The following POLDIP3 variants were observed in gnomAD, a reference collection of about 807,000 sequenced individuals.
POLDIP3 encodes polymerase delta-interacting protein 3.
POLDIP3 carries 14 observed loss-of-function variants against 45.1 expected under a neutral mutation model. The ratio of observed to expected loss-of-function variants is 0.31; its 90% CI spans 0.20 to 0.49. The LOEUF is 0.49. POLDIP3 is among the 20% of genes least tolerant of loss of function. The pLI, the probability that POLDIP3 is intolerant of heterozygous loss-of-function variation, is 0.99. For synonymous variants in POLDIP3, 223 were observed against 205.2 expected, an observed-to-expected ratio of 1.09 and a Z score of -0.74; for missense variants, 511 against 538.8, an observed-to-expected ratio of 0.95 and a Z score of 0.51.
chr22:42,594,133 C>T (rs1170036449), intron 6 of POLDIP3, among the ~76,000 whole-genome samples: 1 of 152,114 alleles, frequency 6.6e-6, no homozygotes, highest in East Asian at 1.9e-4. Flanking sequence ...TGGTGGCACA[C>T]GCCTATAATC....
At chr22:42,597,062 G>A (rs1926038506) in intron 4 of POLDIP3, among the ~76,000 whole-genome samples, 1 of 152,030 alleles carries the variant, frequency 6.6e-6, no homozygotes, top group Admixed American at 6.6e-5. Flanking sequence ...TCCTCTTCTG[G>A]CCATCCAGAG....
chr22:42,608,911 C>A (rs573235809), intron 1 of POLDIP3, among the ~76,000 whole-genome samples: 1 of 152,296 alleles, frequency 6.6e-6, no homozygotes, highest in South Asian at 2.1e-4. Flanking sequence ...CTTTCGTGAA[C>A]AGCTTGAGGG....
intron 1 of POLDIP3, among the ~76,000 whole-genome samples, chr22:42,604,441 G>A (rs890863393): frequency 4.6e-5 from 7 of 152,182 alleles, no homozygotes; most frequent in Admixed American, 3.9e-4. Flanking sequence ...AATCTGGGGC[G>A]AGGCCTGGCC....
chr22:42,601,003 G>A (rs2146820881), intron 3 of POLDIP3, among the ~76,000 whole-genome samples: 1 of 152,136 alleles, frequency 6.6e-6, no homozygotes, highest in Non-Finnish European at 1.5e-5. Context: ...GCTGAGGTGG[G>A]AGGATCATTT....
Position 42,599,786 on chromosome 22 carries a change from T to A in POLDIP3, c.545A>T (p.Tyr182Phe). 6.2e-7 allele frequency: 1 copy of A among 1,603,998 alleles called. No homozygotes were observed. Among genetic ancestry groups the A allele is most frequent in the Non-Finnish European group, 8.5e-7 (1 of 1,171,622 alleles). The change falls in exon 4 of 9, where the codon TAT becomes TTT. Residue 182 changes from tyrosine (Y) to phenylalanine (F), a missense_variant. Around this residue, in one of 4 missense-constraint regions of POLDIP3, gnomAD observed 378 missense variants for 352.3 expected, o/e 1.07. Transcript: ENST00000252115. Reference protein sequence around the residue: ...VNNHQAKQNLYDLDEDDDGIA... With the variant: ...VNNHQAKQNLFDLDEDDDGIA... Reference sequence around the variant, plus strand: ...ACCATCATCATCTTCATCCAGGTCATATAAATTCTGAGAATATAACATAAA... The same window carrying A: ...ACCATCATCATCTTCATCCAGGTCAAATAAATTCTGAGAATATAACATAAA...
At chr22:42,602,197 C>A in intron 2 of POLDIP3, 141 bp from the exon 3 acceptor site, 2 of 1,299,078 alleles carry the variant, frequency 1.5e-6, no homozygotes, top group Non-Finnish European at 2.1e-6. Flanking sequence ...TTATCCTCCA[C>A]AGTAGGAAGT....
intron 6 of POLDIP3, among the ~76,000 whole-genome samples, chr22:42,593,298 T>C (rs1483689923): frequency 6.6e-6 from 1 of 152,228 alleles, no homozygotes; most frequent in Non-Finnish European, 1.5e-5. Context: ...CAACTATAAA[T>C]AGTAGGTGTA....
intron 3 of POLDIP3, among the ~76,000 whole-genome samples, chr22:42,601,765 A>G (rs1050111188): frequency 3.3e-5 from 5 of 152,254 alleles, no homozygotes; most frequent in African/African-American, 1.2e-4. Flanking sequence ...GTCTCAAAAA[A>G]TAAAAAAATA....
rs1925113362 is a variant in POLDIP3, at chr22:42,583,770, C to T, written c.*2021G>A. ...AAATGGATAAGTAATACATAATCACCCTTCATCTCTTAATGCCCCTTCCTC... is the reference window on the plus strand; with the variant it reads ...AAATGGATAAGTAATACATAATCACTCTTCATCTCTTAATGCCCCTTCCTC... On this transcript the variant is annotated 3_prime_UTR_variant, in exon 9 of 9. Coordinates refer to ENST00000252115, the MANE Select transcript of POLDIP3 (RefSeq NM_032311.5). 1 of 152,324 alleles carries T rather than the reference C, an allele frequency of 6.6e-6. No individual in the cohort carries two copies. The highest frequency in any genetic ancestry group is 2.4e-5 in the African/African-American group (1 of 41,272). 9.4% of individuals were successfully genotyped at this position (152,324 alleles called of 1,614,324 possible). A position where few individuals can be genotyped will look rare whatever the true frequency, so the allele number is the denominator to read the frequency against.
At position 42,596,339 on chromosome 22, in the gene POLDIP3, G is replaced by A. The variant is rs767809171; in HGVS notation, c.660C>T (p.Ser220=). ...HMAGLSSSKL[S]MSKALPLTKV... ...TGGTGAGAGGGAGGGCCTTGGACAT[G>A]GAAAGCTTGGAACTGCTTAGCCCAG... The change falls in exon 5 of 9, where the codon TCC becomes TCT. Residue 220 remains serine (S), a synonymous_variant. Coordinates refer to ENST00000252115, the MANE Select transcript of POLDIP3 (RefSeq NM_032311.5). 2.5e-6 allele frequency: 4 copies of A among 1,614,018 alleles called. No individual in the cohort carries two copies. The highest frequency in any genetic ancestry group is 1.6e-4 in the Middle Eastern group (1 of 6,084).
At chr22:42,590,329 C>G (rs1925584777) in intron 7 of POLDIP3, among the ~76,000 whole-genome samples, 1 of 152,198 alleles carries the variant, frequency 6.6e-6, no homozygotes, top group African/African-American at 2.4e-5. Context: ...TCTGGGACTA[C>G]AGGCACACGC....
intron 1 of POLDIP3, chr22:42,603,509 A>C: frequency 1.3e-5 from 3 of 226,288 alleles, no homozygotes; most frequent in Non-Finnish European, 1.8e-5. Context: ...ATCTAATCCC[A>C]CTCATCTGAG....
At chr22:42,596,821 C>A (rs1926021965) in intron 4 of POLDIP3, among the ~76,000 whole-genome samples, 1 of 152,114 alleles carries the variant, frequency 6.6e-6, no homozygotes, top group Non-Finnish European at 1.5e-5. Flanking sequence ...GAGTTCAAGA[C>A]CAACCTGGGC....
chr22:42,598,670 C>T (rs1004080562), intron 4 of POLDIP3, among the ~76,000 whole-genome samples: 1 of 152,206 alleles, frequency 6.6e-6, no homozygotes, highest in Non-Finnish European at 1.5e-5. Context: ...AGGCGTGAGC[C>T]ACCGCACCTG....
intron 5 of POLDIP3, 118 bp from the exon 6 acceptor site, chr22:42,595,732 C>T: frequency 5.9e-6 from 5 of 850,776 alleles, no homozygotes; most frequent in Non-Finnish European, 7.8e-6. Flanking sequence ...GGAGAGTTAC[C>T]ACAAATGGGC....
rs751726665 is a variant in POLDIP3, at chr22:42,585,401, G to A, written c.*390C>T. 45 of 369,634 alleles carry A rather than the reference G, an allele frequency of 1.2e-4. No homozygotes were observed. The highest frequency in any genetic ancestry group is 1.9e-4 in the Non-Finnish European group (36 of 185,278). 22.9% of individuals were successfully genotyped at this position (369,634 alleles called of 1,614,324 possible). A position where few individuals can be genotyped will look rare whatever the true frequency, so the allele number is the denominator to read the frequency against. ...CACACAAAGGAAAGGCAGCCCCTCG[G>A]CCCCTGGAAAAAGCAGGGTCCTTCA... On this transcript the variant is annotated 3_prime_UTR_variant, in exon 9 of 9. Transcript: ENST00000252115.
chr22:42,613,985 T>C (rs181569138), intron 1 of POLDIP3, among the ~76,000 whole-genome samples: 1 of 152,168 alleles, frequency 6.6e-6, no homozygotes, highest in Non-Finnish European at 1.5e-5. Context: ...TTGGGAGACA[T>C]GACTGCAAAT....
chr22:42,588,002 CAT>C (rs1569294960), intron 7 of POLDIP3, among the ~76,000 whole-genome samples: 2 of 152,176 alleles, frequency 1.3e-5, no homozygotes, highest in East Asian at 1.9e-4. Context: ...CAAAGCATAA[CAT>C]GTGTAACGGT....
intron 1 of POLDIP3, among the ~76,000 whole-genome samples, chr22:42,612,670 A>T (rs534710231): frequency 6.6e-6 from 1 of 152,148 alleles, no homozygotes; most frequent in African/African-American, 2.4e-5. Flanking sequence ...TACTAAAAAT[A>T]CAAAAATTAG....
Sources: gnomAD v4.1 joint callset for allele counts (sites outside exome capture counted in the v4.1 genomes callset) on GRCh38, gnomAD v4.1.1 for gene constraint, gnomAD v4.1.1 regional missense constraint, MANE v1.5 for transcripts, NCBI Gene and HGNC (gene_info 2026-07-23, HGNC 2026-07-21) for gene names.